ERCC6L2: variants seen among roughly 807,000 people sequenced by gnomAD.
The protein encoded by ERCC6L2 is DNA excision repair protein ERCC-6-like 2.
ERCC6L2 carries 77 observed loss-of-function variants against 132.0 expected under a neutral mutation model. The ratio of observed to expected loss-of-function variants is 0.58; its 90% CI spans 0.49 to 0.71. ERCC6L2 has a LOEUF of 0.71. Ranked by LOEUF, ERCC6L2 falls within the 30% of genes least tolerant of loss-of-function variation. ERCC6L2 has a pLI of 0.00. For synonymous variants in ERCC6L2, 583 were observed against 632.4 expected, an observed-to-expected ratio of 0.92 and a Z score of 1.17; for missense variants, 1,542 against 1,837.6, an observed-to-expected ratio of 0.84 and a Z score of 2.94.
rs959148566 is a variant in ERCC6L2 at position 95,916,257 on chromosome 9, C to G, written c.981C>G (p.Thr327=). The G allele has an allele frequency of 1.9e-6, 3 of 1,613,874 alleles. No homozygotes were observed. Among genetic ancestry groups the G allele is most frequent in the African/African-American group, 1.3e-5 (1 of 74,848 alleles). The change falls in exon 6 of 19, where the codon ACC becomes ACG. Residue 327 remains threonine (T), a synonymous_variant. Transcript: ENST00000653738. ...TGCCAGGCCTTTTAGGGAGTGGGACCTACTTCAAGAAGCAGTTTTCTGACC... is the reference window on the plus strand; with the variant it reads ...TGCCAGGCCTTTTAGGGAGTGGGACGTACTTCAAGAAGCAGTTTTCTGACC... ...WAVPGLLGSG[T]YFKKQFSDPV...
chr9:96,018,371 A>G lies in ERCC6L2; in HGVS notation c.*5168A>G, dbSNP rs533088540. Among the ~76,000 whole-genome samples, 1 of 152,312 alleles carries G rather than the reference A, an allele frequency of 6.6e-6. No individual in the cohort carries two copies. Among genetic ancestry groups the G allele is most frequent in the South Asian group, 2.1e-4 (1 of 4,830 alleles). The stretch of plus-strand genomic sequence containing the variant: ...ATTTTACTTATCAATTTGAAATTAT[A>G]TTGTTTTTATGTTGACACTCCATAT... On this transcript the variant is annotated 3_prime_UTR_variant, in exon 19 of 19. Coordinates refer to ENST00000653738, the MANE Select transcript of ERCC6L2 (RefSeq NM_020207.7).
chr9:96,004,252 A>G (rs953957050), intron 17 of ERCC6L2, among the ~76,000 whole-genome samples: 1 of 152,222 alleles, frequency 6.6e-6, no homozygotes, highest in African/African-American at 2.4e-5. Flanking sequence ...GTAGGTATCA[A>G]CGTATGTATC....
At chr9:95,903,546 A>G (rs1210432043) in intron 3 of ERCC6L2, among the ~76,000 whole-genome samples, 1 of 152,036 alleles carries the variant, frequency 6.6e-6, no homozygotes, top group Non-Finnish European at 1.5e-5. Flanking sequence ...AAGAGTTGAT[A>G]TTTATTGATC....
intron 13 of ERCC6L2, among the ~76,000 whole-genome samples, chr9:95,960,317 T>C (rs1831840355): frequency 6.6e-6 from 1 of 152,142 alleles, no homozygotes; most frequent in Non-Finnish European, 1.5e-5. Flanking sequence ...ATAAACACTT[T>C]GAAAAAGGCA....
chr9:95,907,857 C>CACACACACACACACACACACACACACA, intron 4 of ERCC6L2, among the ~76,000 whole-genome samples: 43 of 133,806 alleles, frequency 3.2e-4, no homozygotes, highest in East Asian at 1.4e-3. Context: ...ACACACACAC[C>CACACACACACACACACACACACACACA]CCCACACCCA....
chr9:95,994,124 A>G (rs1341745734), intron 17 of ERCC6L2, among the ~76,000 whole-genome samples: 1 of 152,144 alleles, frequency 6.6e-6, no homozygotes, highest in Non-Finnish European at 1.5e-5. Context: ...AAATCCCGAA[A>G]TGTTTTGTTG....
intron 11 of ERCC6L2, among the ~76,000 whole-genome samples, chr9:95,941,157 A>T (rs529363764): frequency 1.1e-4 from 17 of 152,310 alleles, no homozygotes; most frequent in Admixed American, 1.0e-3. Context: ...TAAAAATTAT[A>T]TTAGGAAAAT....
At chr9:95,973,551 AC>A (rs1564277883) in intron 16 of ERCC6L2, among the ~76,000 whole-genome samples, 1 of 152,196 alleles carries the variant, frequency 6.6e-6, no homozygotes, top group South Asian at 2.1e-4. Context: ...GTCATGTCTT[AC>A]ATGGATGGTG....
chr9:96,036,875 T>A (rs940772674), intron 19 of ERCC6L2, among the ~76,000 whole-genome samples: 1 of 148,898 alleles, frequency 6.7e-6, no homozygotes, highest in Non-Finnish European at 1.5e-5. Flanking sequence ...CACGCCATTC[T>A]CCTGCCTCAG....
chr9:95,988,310 A>G lies in ERCC6L2; in HGVS notation c.3492+10095A>G, dbSNP rs557294231. Among the ~76,000 whole-genome samples the G allele has an allele frequency of 6.6e-5, 10 of 152,340 alleles. No homozygotes were observed. The South Asian group carries it at 1.9e-3, about 28-fold the overall frequency. ...ATATTTTGCAAATTATCTGATGAAG[A>G]TAATACCCCTTTAGTATAACTAGGA... On this transcript the variant is annotated intron_variant, in intron 17 of 18. Transcript: ENST00000653738.
chr9:95,930,948 C>T (rs904187737), intron 11 of ERCC6L2, among the ~76,000 whole-genome samples: 2 of 152,118 alleles, frequency 1.3e-5, no homozygotes, highest in Admixed American at 6.6e-5. Context: ...TCAATAAGCC[C>T]TGTACCAGTA....
chr9:95,954,080 C>G (rs1831477535), intron 12 of ERCC6L2, among the ~76,000 whole-genome samples: 1 of 152,040 alleles, frequency 6.6e-6, no homozygotes, highest in Admixed American at 6.6e-5. Flanking sequence ...ACTATTATAC[C>G]CATTTTACAT....
intron 2 of ERCC6L2, among the ~76,000 whole-genome samples, chr9:95,889,032 A>G (rs562857497): frequency 4.1e-4 from 62 of 152,306 alleles, no homozygotes; most frequent in Admixed American, 3.7e-3. Flanking sequence ...GTTAAGAGGT[A>G]GTGTAGATGA....
intron 20 of ERCC6L2, among the ~76,000 whole-genome samples, chr9:96,039,576 C>A (rs1834555326): frequency 6.6e-6 from 1 of 152,080 alleles, no homozygotes; most frequent in Non-Finnish European, 1.5e-5. Flanking sequence ...GGGAGAAAGA[C>A]ACACCTTCCA....
In ERCC6L2 at chr9:95,972,388, C is replaced by T. The variant is rs3088294; in HGVS notation, c.2637C>T (p.Asp879=). Residue 879 remains aspartate, a synonymous_variant, in exon 16 of 19, where the codon GAC becomes GAT. Transcript: ENST00000653738. ...ILEQNISSKS[D]EKKIKNTDKH... ...AACAGAATATTTCTTCCAAGTCTGACGAGAAAAAAATTAAAAATACAGATA... is the reference window on the plus strand; with the variant it reads ...AACAGAATATTTCTTCCAAGTCTGATGAGAAAAAAATTAAAAATACAGATA... The T allele has an allele frequency of 0.27, 342,876 of 1,271,156 alleles. 48,861 individuals are homozygous for T. The highest frequency in any genetic ancestry group is 0.43 in the African/African-American group (27,540 of 64,268). The allele number at this position is 1,271,156 out of a possible 1,614,324, so 78.7% of individuals were successfully genotyped here. A position where few individuals can be genotyped will look rare whatever the true frequency, so the allele number is the denominator to read the frequency against.
chr9:95,926,837 A>G (rs1227176791), intron 9 of ERCC6L2, among the ~76,000 whole-genome samples: 1 of 152,116 alleles, frequency 6.6e-6, no homozygotes, highest in East Asian at 1.9e-4. Flanking sequence ...AACCACACCA[A>G]TACTAATAAT....
At chr9:96,035,497 T>C (rs1427643459) in intron 19 of ERCC6L2, among the ~76,000 whole-genome samples, 2 of 151,952 alleles carry the variant, frequency 1.3e-5, no homozygotes, top group Non-Finnish European at 2.9e-5. Flanking sequence ...CCCTCTCCAC[T>C]GATAGCTTCA....
chr9:95,906,149 C>G (rs1021648662), intron 3 of ERCC6L2, among the ~76,000 whole-genome samples: 1 of 152,104 alleles, frequency 6.6e-6, no homozygotes, highest in Non-Finnish European at 1.5e-5. Flanking sequence ...TCCCATTTAC[C>G]TGAGTTTCAA....
chr9:95,902,214 G>T (rs1416146991), intron 3 of ERCC6L2, among the ~76,000 whole-genome samples: 1 of 152,120 alleles, frequency 6.6e-6, no homozygotes, highest in Non-Finnish European at 1.5e-5. Context: ...AAAGACACAA[G>T]CTCTACATTT....
Sources: allele counts gnomAD v4.1 joint callset (sites outside exome capture counted in the v4.1 genomes callset), GRCh38; gene constraint gnomAD v4.1.1; transcripts MANE v1.5; gene names NCBI Gene and HGNC (gene_info 2026-07-23, HGNC 2026-07-21).